Variants in MCM4 observed in about 807,000 individuals in gnomAD.
The protein encoded by MCM4 is minichromosome maintenance complex component 4.
A neutral mutation model predicts 88.7 loss-of-function variants in MCM4; 60 were observed. The observed-to-expected ratio is 0.68, with a 90% CI of 0.55 to 0.84. MCM4 has a LOEUF of 0.84. Ranked by LOEUF, MCM4 falls within the 40% of genes least tolerant of loss-of-function variation. The probability of loss-of-function intolerance (pLI) is 0.00; values close to 1 mark genes in which losing one functional copy is unlikely to be tolerated. For missense variants in MCM4, 1,149 were observed against 1,105.5 expected (o/e 1.04, Z -0.56); for synonymous variants, 465 against 410.5 (o/e 1.13, Z -1.61).
intron 11 of MCM4, 21 bp downstream of exon 11, chr8:47,970,078 A>G (rs2090938229): frequency 6.2e-7 from 1 of 1,608,752 alleles, no homozygotes; most frequent in South Asian, 1.1e-5. Flanking sequence ...ATTTTAAACT[A>G]GGGGTTGGGA....
chr8:47,966,504 C>G (rs2090900112), intron 9 of MCM4, 97 bp downstream of exon 9: 33 of 1,207,080 alleles, frequency 2.7e-5, no homozygotes, highest in Admixed American at 4.6e-5. Flanking sequence ...GCCTCACTTC[C>G]CGAATGGCAT....
At position 47,975,783 on chromosome 8, in the gene MCM4, A is replaced by G. The variant is rs1159586137; in HGVS notation, c.2434A>G (p.Lys812Glu). Residue 812 changes from lysine to glutamate, a missense_variant, in exon 16 of 17, where the codon AAG (lysine) becomes GAG (glutamate). By Grantham distance (56) the Lys-to-Glu change is moderately conservative. Coordinates refer to ENST00000649973, the MANE Select transcript of MCM4 (RefSeq NM_182746.3). ...AGCATTGAAAAAGCTTATTTTATCT[A>G]AGGGCAAAACACCAGCTCTAAAATA... ...AEALKKLILSKGKTPALKYQQ... is the reference protein window; with the variant it reads ...AEALKKLILSEGKTPALKYQQ... 1 of 1,588,902 alleles carries G rather than the reference A, an allele frequency of 6.3e-7. No individual in the cohort carries two copies.
At chr8:47,963,076 A>G (rs1275365255) in intron 7 of MCM4, 36 bp downstream of exon 7, 2 of 1,170,396 alleles carry the variant, frequency 1.7e-6, no homozygotes, top group South Asian at 2.7e-5. Context: ...GAATTTTAGT[A>G]ACAGTCTAGA....
In MCM4 at chr8:47,975,732, C is replaced by T. The variant is rs756397996; in HGVS notation, c.2383C>T (p.Arg795Cys). Residue 795 changes from arginine (R) to cysteine (C), a missense_variant, in exon 16 of 17, where the codon CGT (arginine) becomes TGT (cysteine). Arg to Cys is a radical substitution (Grantham distance 180, BLOSUM62 -3). Transcript: ENST00000649973. ...ILTTGMSATSRKRKEELAEAL... is the reference protein window; with the variant it reads ...ILTTGMSATSCKRKEELAEAL... ...TAAATCAGGGATGAGTGCCACCTCT[C>T]GTAAACGGAAAGAAGAATTAGCTGA... is the stretch of plus-strand genomic sequence containing the variant. 21 of 1,570,702 alleles carry T rather than the reference C, an allele frequency of 1.3e-5. No homozygotes were observed. Among genetic ancestry groups the T allele is most frequent in the African/African-American group, 2.8e-5 (2 of 72,318 alleles).
intron 5 of MCM4, 52 bp from the exon 6 acceptor site, chr8:47,962,712 T>G: frequency 9.9e-7 from 1 of 1,005,458 alleles, no homozygotes. Flanking sequence ...TTTTTAGTAG[T>G]TGCCTGTTCC....
Position 47,969,796 on chromosome 8 carries a change from AG to A in MCM4, c.1175del, listed in dbSNP as rs1485307965. The A allele has an allele frequency of 6.2e-7, 1 of 1,613,560 alleles. No individual in the cohort carries two copies. The highest frequency in any genetic ancestry group is 1.3e-5 in the African/African-American group (1 of 74,946). ...AAGTGCATCTCCTGGTTGTGCCCTC[AG>A]GCATCTATCGAGCTGTGCCTATTCG... is the stretch of plus-strand genomic sequence containing the variant. On this transcript the variant is annotated splice_acceptor_variant, in intron 10 of 16. Transcript: ENST00000649973. LOFTEE classifies it high-confidence loss of function.
At position 47,962,917 on chromosome 8, in the gene MCM4, A is replaced by G. The variant is rs200972064; in HGVS notation, c.598-28A>G. 8 of 1,573,212 alleles carry G rather than the reference A, an allele frequency of 5.1e-6. No homozygotes were observed. The East Asian group carries it at 1.1e-4, about 22-fold the overall frequency. ...GTTTTAAAATAGTTAAATTAGCAAA[A>G]TATAACTTGTTCATTTTTATTTTCT... On this transcript the variant is annotated intron_variant, in intron 6 of 16. Transcript: ENST00000649973.
At chr8:47,961,399 A>G (rs2090830551) in intron 2 of MCM4, 117 bp from the exon 3 acceptor site, 2 of 1,578,240 alleles carry the variant, frequency 1.3e-6, no homozygotes, top group South Asian at 2.3e-5. Context: ...TTCGATTGCC[A>G]TTTGCCTCTG....
chr8:47,972,681 C>T (rs1253697673), intron 13 of MCM4, among the ~76,000 whole-genome samples, 176 bp from the exon 14 acceptor site: 1 of 152,010 alleles, frequency 6.6e-6, no homozygotes, highest in Non-Finnish European at 1.5e-5. Flanking sequence ...TTCAGCCTCC[C>T]AAGTAGCTGG....
intron 13 of MCM4, 128 bp downstream of exon 13, chr8:47,971,596 T>A: frequency 1.0e-6 from 1 of 993,368 alleles, no homozygotes. Flanking sequence ...CAAATTTGGT[T>A]GGTCAAGAGT....
chr8:47,972,987 CT>C lies in MCM4; in HGVS notation c.2060del (p.Leu687GlnfsTer16). ...AEEELLDMAVLKDYIAYAHST... is the reference protein window; with the variant it reads ...AEEELLDMAVXKDYIAYAHST... ...GGAGGAGCTCCTGGACATGGCGGTG[CT>C]AAAGGACTACATTGCCTACGCGCAC... On this transcript the variant is annotated frameshift_variant, in exon 14 of 17. Coordinates refer to ENST00000649973, the MANE Select transcript of MCM4 (RefSeq NM_182746.3). LOFTEE classifies it high-confidence loss of function. The C allele has an allele frequency of 6.2e-7, 1 of 1,614,162 alleles. No homozygotes were observed. Among genetic ancestry groups the C allele is most frequent in the Non-Finnish European group, 8.5e-7 (1 of 1,180,030 alleles).
In MCM4 at chr8:47,977,263, CAAAAAAAAAAAAA is replaced by C. The variant is rs34372744; in HGVS notation, c.*495_*507del. On this transcript the variant is annotated 3_prime_UTR_variant, in exon 17 of 17. Coordinates refer to ENST00000649973, the MANE Select transcript of MCM4 (RefSeq NM_182746.3). ...CCTCAGCAATAGAGTGAGACTGTCT[CAAAAAAAAAAAAA>C]AAAAAAAAACCTGCCAATTTTCAAA... The C allele has an allele frequency of 6.9e-5, 6 of 86,652 alleles. No homozygotes were observed. The highest frequency in any genetic ancestry group is 2.0e-4 in the African/African-American group (5 of 25,282). The allele number at this position is 86,652 out of a possible 1,614,324, so 5.4% of individuals were successfully genotyped here.
chr8:47,964,356 C>T (rs1203251563), intron 7 of MCM4, among the ~76,000 whole-genome samples: 1 of 152,182 alleles, frequency 6.6e-6, no homozygotes, highest in Non-Finnish European at 1.5e-5. Context: ...ATCAAGAAGG[C>T]ACTTTCGTAT....
intron 5 of MCM4, 76 bp downstream of exon 5, chr8:47,962,482 G>T (rs1437050889): frequency 4.6e-5 from 67 of 1,462,708 alleles, no homozygotes; most frequent in Non-Finnish European, 6.7e-6. Flanking sequence ...CTATATCTAA[G>T]TAGCCATAAT....
chr8:47,972,765 C>T (rs2154505397), intron 13 of MCM4, 92 bp from the exon 14 acceptor site: 6 of 926,980 alleles, frequency 6.5e-6, no homozygotes, highest in Non-Finnish European at 8.4e-6. Context: ...CCGTGTTGGC[C>T]AGGCTGGTCT....
chr8:47,961,488 C>T (rs1230834209), intron 2 of MCM4, 28 bp from the exon 3 acceptor site: 1 of 1,613,280 alleles, frequency 6.2e-7, no homozygotes, highest in Non-Finnish European at 8.5e-7. Context: ...AAGTTAATGG[C>T]TGTCTTTTCT....
intron 11 of MCM4, 34 bp downstream of exon 11, chr8:47,970,091 T>TA (rs2090938401): frequency 6.2e-7 from 1 of 1,604,320 alleles, no homozygotes; most frequent in Non-Finnish European, 8.5e-7. Flanking sequence ...GGTTGGGATT[T>TA]ACAATTCTTT....
chr8:47,966,642 C>T (rs927509223), intron 9 of MCM4, among the ~76,000 whole-genome samples: 2 of 152,232 alleles, frequency 1.3e-5, no homozygotes, highest in Admixed American at 6.5e-5. Context: ...GTTAGAGACA[C>T]TGTATTTTCA....
chr8:47,971,557 G>A, intron 13 of MCM4, 89 bp downstream of exon 13: 2 of 1,351,424 alleles, frequency 1.5e-6, no homozygotes, highest in East Asian at 4.7e-5. Context: ...AACTGCTAAT[G>A]GAAACTCTTC....
Sources: gnomAD v4.1 joint callset for allele counts (sites outside exome capture counted in the v4.1 genomes callset) on GRCh38, gnomAD v4.1.1 for gene constraint, MANE v1.5 for transcripts, NCBI Gene and HGNC (gene_info 2026-07-23, HGNC 2026-07-21) for gene names.